Variants in PDHX observed in about 807,000 individuals in gnomAD.
PDHX encodes the protein pyruvate dehydrogenase protein X component, mitochondrial.
A neutral mutation model predicts 55.3 loss-of-function variants in PDHX; 33 were observed. The ratio of observed to expected loss-of-function variants is 0.60; its 90% CI spans 0.45 to 0.80. The LOEUF (loss-of-function observed/expected upper bound fraction) is 0.80. Ranked by LOEUF, PDHX falls within the 30% of genes least tolerant of loss-of-function variation. The pLI, the probability that PDHX is intolerant of heterozygous loss-of-function variation, is 0.00. For synonymous variants in PDHX, 226 were observed against 219.4 expected, an observed-to-expected ratio of 1.03 and a Z score of -0.27; for missense variants, 622 against 619.9, an observed-to-expected ratio of 1.00 and a Z score of -0.04.
intron 2 of PDHX, among the ~76,000 whole-genome samples, chr11:34,944,466 T>C (rs148105938): frequency 9.2e-5 from 14 of 152,272 alleles, no homozygotes; most frequent in African/African-American, 2.9e-4. Flanking sequence ...GGACATCTCT[T>C]TGGAGTTAGA....
intron 7 of PDHX, among the ~76,000 whole-genome samples, chr11:34,976,336 G>A (rs987818447): frequency 8.5e-5 from 13 of 152,104 alleles, no homozygotes; most frequent in African/African-American, 3.1e-4. Flanking sequence ...CTTACAAACT[G>A]TTTTCTACTC....
At chr11:34,970,935 G>A (rs572865740) in intron 7 of PDHX, among the ~76,000 whole-genome samples, 4 of 152,204 alleles carry the variant, frequency 2.6e-5, no homozygotes, top group East Asian at 3.9e-4. Flanking sequence ...TTAATGTTTT[G>A]GTGTGCTTTA....
chr11:34,978,313 C>T (rs1245942228), intron 8 of PDHX, 131 bp downstream of exon 8: 12 of 649,948 alleles, frequency 1.8e-5, no homozygotes, highest in South Asian at 3.5e-5. Flanking sequence ...AATATCCTAT[C>T]GTTTGATCTC....
At chr11:34,951,633 C>T (rs1458166375) in intron 3 of PDHX, among the ~76,000 whole-genome samples, 1 of 152,024 alleles carries the variant, frequency 6.6e-6, no homozygotes, top group Non-Finnish European at 1.5e-5. Flanking sequence ...AAATTTTCTC[C>T]CATTTTATAG....
intron 7 of PDHX, 57 bp downstream of exon 7, chr11:34,970,343 A>G: frequency 7.4e-7 from 1 of 1,351,850 alleles, no homozygotes; most frequent in Non-Finnish European, 1.0e-6. Context: ...CTTTCATGAA[A>G]TCCTTTATAA....
intron 2 of PDHX, among the ~76,000 whole-genome samples, chr11:34,937,505 GATTAAA>G (rs1376519484): frequency 6.7e-6 from 1 of 149,816 alleles, no homozygotes; most frequent in East Asian, 2.0e-4. Flanking sequence ...TCAAGAATCA[GATTAAA>G]ATTTGAATAT....
At chr11:34,966,382 C>T (rs1353233561) in intron 5 of PDHX, among the ~76,000 whole-genome samples, 1 of 152,178 alleles carries the variant, frequency 6.6e-6, no homozygotes. Context: ...TTAAAAATCA[C>T]TACTTATGCC....
intron 1 of PDHX, among the ~76,000 whole-genome samples, chr11:34,918,513 C>A (rs145377085): frequency 5.3e-4 from 80 of 152,082 alleles, no homozygotes; most frequent in African/African-American, 1.9e-3. Flanking sequence ...CAATCCTTAT[C>A]TGCATCCTCA....
At chr11:34,957,899 A>G (rs1380512689) in intron 4 of PDHX, among the ~76,000 whole-genome samples, 2 of 152,208 alleles carry the variant, frequency 1.3e-5, no homozygotes, top group Non-Finnish European at 2.9e-5. Flanking sequence ...CAATATACCA[A>G]ACTTGATACT....
Position 34,931,474 on chromosome 11 carries a change from GA to G in PDHX, c.236del (p.Lys79ArgfsTer6). ...MEEGNIVKWLKKEGEAVSAGD... is the reference protein window; with the variant it reads ...MEEGNIVKWLXKEGEAVSAGD... ...AAGAAGGAAACATTGTGAAATGGCT[GA>G]AAAAGGAAGGTGAGGAGGTACCTTC... On this transcript the variant is annotated frameshift_variant, in exon 2 of 11. Coordinates refer to ENST00000227868, the MANE Select transcript of PDHX (RefSeq NM_003477.3). LOFTEE classifies it high-confidence loss of function. 6 of 1,587,820 alleles carry G rather than the reference GA, an allele frequency of 3.8e-6. No homozygotes were observed. The highest frequency in any genetic ancestry group is 1.1e-5 in the South Asian group (1 of 90,152).
At position 34,996,067 on chromosome 11, in the gene PDHX, A is replaced by G. The variant is rs991218662; in HGVS notation, c.*895A>G. ...CAGTAAAATGTGAGAAAATATAAAC[A>G]TTTCTATTGTATTTTAAATGTTAAA... On this transcript the variant is annotated 3_prime_UTR_variant, in exon 11 of 11. Coordinates refer to ENST00000227868, the MANE Select transcript of PDHX (RefSeq NM_003477.3). The G allele has an allele frequency of 6.6e-6, 1 of 152,192 alleles. No individual in the cohort carries two copies. The highest frequency in any genetic ancestry group is 6.5e-5 in the Admixed American group (1 of 15,274). The allele number at this position is 152,192 out of a possible 1,614,324, so 9.4% of individuals were successfully genotyped here.
intron 3 of PDHX, among the ~76,000 whole-genome samples, chr11:34,950,902 G>T (rs1164104733): frequency 1.8e-4 from 27 of 150,236 alleles, no homozygotes; most frequent in African/African-American, 2.7e-4. Flanking sequence ...GTAATGGGAT[G>T]GCTGGGTCAA....
chr11:34,990,315 A>G (rs920986373), intron 9 of PDHX, among the ~76,000 whole-genome samples: 32 of 152,148 alleles, frequency 2.1e-4, no homozygotes, highest in African/African-American at 7.2e-4. Flanking sequence ...GGTAACATGT[A>G]CTTTGATTTT....
chr11:34,966,673 G>C lies in PDHX; in HGVS notation c.675G>C (p.Thr225=). 6.2e-7 allele frequency: 1 copy of C among 1,613,832 alleles called. No individual in the cohort carries two copies. The highest frequency in any genetic ancestry group is 1.3e-5 in the African/African-American group (1 of 74,908). ...DALKLVQLKQ[T]GKITESRPTP... is the part of the protein sequence containing the mutation. Reference sequence around the variant, plus strand: ...TCAAACTTGTCCAGTTGAAACAAACGGGCAAGATTACCGAGTCCAGACCAA... The same window carrying C: ...TCAAACTTGTCCAGTTGAAACAAACCGGCAAGATTACCGAGTCCAGACCAA... The change falls in exon 6 of 11, where the codon ACG becomes ACC. Residue 225 remains threonine (T), a synonymous_variant. Coordinates refer to ENST00000227868, the MANE Select transcript of PDHX (RefSeq NM_003477.3).
In PDHX at chr11:34,952,684, T is replaced by C. The variant is rs1297122540; in HGVS notation, c.343-4700T>C. Among the ~76,000 whole-genome samples the C allele has an allele frequency of 5.1e-4, 78 of 151,742 alleles. 1 individual carries two copies. Among genetic ancestry groups the C allele is most frequent in the East Asian group, 1.7e-3 (9 of 5,168 alleles). On this transcript the variant is annotated intron_variant, in intron 3 of 10. Coordinates refer to ENST00000227868, the MANE Select transcript of PDHX (RefSeq NM_003477.3). ...CTCAATAAATTAGGTATTGATGGGA[T>C]GTATCTCAAAATAATAAGAGCTATC...
intron 5 of PDHX, among the ~76,000 whole-genome samples, chr11:34,964,725 C>A (rs1855089530): frequency 7.0e-6 from 1 of 141,908 alleles, no homozygotes; most frequent in African/African-American, 3.1e-5. Context: ...TAAAACTAAA[C>A]TGCTTTTTAA....
chr11:34,921,175 C>T (rs1853869840), intron 1 of PDHX, among the ~76,000 whole-genome samples: 1 of 152,196 alleles, frequency 6.6e-6, no homozygotes, highest in South Asian at 2.1e-4. Context: ...TAGAACATCA[C>T]TTATAAAATG....
chr11:34,940,213 A>G (rs1321246631), intron 2 of PDHX, among the ~76,000 whole-genome samples: 1 of 152,204 alleles, frequency 6.6e-6, no homozygotes, highest in Non-Finnish European at 1.5e-5. Context: ...CCACACCCAC[A>G]GTGCCTAGAA....
intron 4 of PDHX, among the ~76,000 whole-genome samples, chr11:34,958,388 T>C (rs1170583036): frequency 3.3e-5 from 5 of 151,770 alleles, no homozygotes; most frequent in African/African-American, 1.2e-4. Context: ...GCAACCTCGG[T>C]CTTCTGGGTT....
Sources: gnomAD v4.1 joint callset for allele counts (sites outside exome capture counted in the v4.1 genomes callset) on GRCh38, gnomAD v4.1.1 for gene constraint, MANE v1.5 for transcripts, NCBI Gene and HGNC (gene_info 2026-07-23, HGNC 2026-07-21) for gene names.